The following ITGA6 variants were observed in gnomAD, a reference collection of about 807,000 sequenced individuals.
The protein encoded by ITGA6 is integrin alpha-6.
ITGA6 carries 63 observed loss-of-function variants against 133.6 expected under a neutral mutation model. The ratio of observed to expected loss-of-function variants is 0.47; its 90% CI spans 0.38 to 0.58. The LOEUF (loss-of-function observed/expected upper bound fraction) is 0.58, where lower values mean the gene tolerates loss of function less well. Among genes scored for constraint, ITGA6 ranks in the 20% least tolerant of loss-of-function variants. ITGA6 has a pLI of 0.00. For missense variants in ITGA6, 1,068 were observed against 1,309.4 expected, an observed-to-expected ratio of 0.82 and a Z score of 2.85; for synonymous variants, 434 against 482.0, an observed-to-expected ratio of 0.90 and a Z score of 1.30.
chr2:172,483,713 T>G (rs1374614957), intron 11 of ITGA6, among the ~76,000 whole-genome samples: 1 of 152,208 alleles, frequency 6.6e-6, no homozygotes, highest in African/African-American at 2.4e-5. Context: ...TCTAGCCCAG[T>G]GCAAGGTAGG....
intron 1 of ITGA6, chr2:172,465,307 A>G (rs967163721): frequency 6.9e-5 from 41 of 596,930 alleles, no homozygotes; most frequent in Admixed American, 4.8e-4. Flanking sequence ...AGACAGGCCT[A>G]TTTTCCTCGT....
intron 1 of ITGA6, among the ~76,000 whole-genome samples, chr2:172,443,322 C>G (rs1684619827): frequency 6.6e-6 from 1 of 152,238 alleles, no homozygotes; most frequent in Middle Eastern, 3.4e-3. Flanking sequence ...TTTATTTAAC[C>G]AGTCTGGGTA....
chr2:172,467,269 G>A (rs1685720957), intron 2 of ITGA6, among the ~76,000 whole-genome samples: 1 of 152,194 alleles, frequency 6.6e-6, no homozygotes, highest in African/African-American at 2.4e-5. Flanking sequence ...ATAGAGCTAA[G>A]TACTTTATGT....
chr2:172,500,189 A>G (rs1687291190), intron 24 of ITGA6, among the ~76,000 whole-genome samples: 1 of 152,248 alleles, frequency 6.6e-6, no homozygotes, highest in Non-Finnish European at 1.5e-5. Context: ...ACAGTAGTTC[A>G]GATTGTATCC....
At chr2:172,427,480 G>T (rs932446844), upstream of ITGA6, 15 of 1,081,104 alleles carry the variant, frequency 1.4e-5, no homozygotes, top group African/African-American at 1.7e-5. Context: ...GGTAAGGTGC[G>T]GGCGGTGCGC....
chr2:172,502,938 A>G (rs902884186), intron 25 of ITGA6, among the ~76,000 whole-genome samples: 1 of 151,594 alleles, frequency 6.6e-6, no homozygotes, highest in African/African-American at 2.4e-5. Context: ...CATATTTTGT[A>G]ATAGATAGGT....
Position 172,474,281 on chromosome 2 carries a change from G to A in ITGA6, c.986+16G>A, listed in dbSNP as rs774486853. 2 of 1,604,308 alleles carry A rather than the reference G, an allele frequency of 1.2e-6. No individual in the cohort carries two copies. Among genetic ancestry groups the A allele is most frequent in the East Asian group, 2.2e-5 (1 of 44,840 alleles). ...ACAAGGATGGGTGAGAAAGCCTCAG[G>A]TTATATTATGCTGCAAATCATTTCT... On this transcript the variant is annotated intron_variant, in intron 6 of 25. Coordinates refer to ENST00000684293, the MANE Select transcript of ITGA6 (RefSeq NM_000210.4).
At chr2:172,446,216 G>A (rs1684762359) in intron 1 of ITGA6, among the ~76,000 whole-genome samples, 1 of 152,228 alleles carries the variant, frequency 6.6e-6, no homozygotes, top group Admixed American at 6.5e-5. Context: ...GTAGTAAAAT[G>A]GGTATGGTGA....
chr2:172,488,551 C>T (rs1686788001), intron 19 of ITGA6, among the ~76,000 whole-genome samples: 1 of 152,158 alleles, frequency 6.6e-6, no homozygotes, highest in Non-Finnish European at 1.5e-5. Flanking sequence ...TTCACAAGCC[C>T]AGTTTTTGTG....
intron 11 of ITGA6, among the ~76,000 whole-genome samples, chr2:172,482,458 G>A (rs1015750953): frequency 1.3e-5 from 2 of 152,132 alleles, no homozygotes; most frequent in Non-Finnish European, 2.9e-5. Flanking sequence ...ATCTATAATT[G>A]AGCCGTAATG....
In ITGA6 at chr2:172,461,181, C is replaced by T. The variant is rs182784413; in HGVS notation, c.183-4358C>T. Among the ~76,000 whole-genome samples, 13 of 152,286 alleles carry T rather than the reference C, an allele frequency of 8.5e-5. No homozygotes were observed. The East Asian group carries it at 2.5e-3, about 29-fold the overall frequency. On this transcript the variant is annotated intron_variant, in intron 1 of 25. Coordinates refer to ENST00000684293, the MANE Select transcript of ITGA6 (RefSeq NM_000210.4). Reference sequence around the variant, plus strand: ...AAGACCTGAATTTATATCATATTCCCAGTTACTGTTATACTTATATCGTTA... The same window carrying T: ...AAGACCTGAATTTATATCATATTCCTAGTTACTGTTATACTTATATCGTTA...
intron 1 of ITGA6, among the ~76,000 whole-genome samples, chr2:172,447,158 A>G (rs1266132747): frequency 6.6e-6 from 1 of 152,172 alleles, no homozygotes; most frequent in Non-Finnish European, 1.5e-5. Context: ...TGAGCCTCCC[A>G]AAGTGCTGGG....
Position 172,479,993 on chromosome 2 carries a change from C to G in ITGA6, c.1491C>G (p.Leu497=). ...TACGAPSGIC[L]QVKSCFEYTA... is the part of the protein sequence containing the mutation. The stretch of plus-strand genomic sequence containing the variant: ...ATATGTGTTTGATTTTATTCAGCCT[C>G]CAGGTTAAATCCTGTTTTGAATATA... Residue 497 remains leucine, a synonymous_variant, in exon 11 of 26, where the codon CTC becomes CTG. Transcript: ENST00000684293. The G allele has an allele frequency of 6.3e-7, 1 of 1,592,782 alleles. No individual in the cohort carries two copies. The highest frequency in any genetic ancestry group is 8.6e-7 in the Non-Finnish European group (1 of 1,160,648).
intron 20 of ITGA6, chr2:172,489,865 CAG>C (rs1686848257): frequency 3.8e-6 from 2 of 532,938 alleles, no homozygotes; most frequent in African/African-American, 3.8e-5. Flanking sequence ...GTACATAAGG[CAG>C]AGTCATTCAG....
chr2:172,430,334 G>A (rs1395030458), intron 1 of ITGA6, among the ~76,000 whole-genome samples: 2 of 152,206 alleles, frequency 1.3e-5, no homozygotes, highest in East Asian at 1.9e-4. Context: ...AACATTCTGT[G>A]ATTCTAAGAT....
At chr2:172,479,500 A>G (rs1445055158) in intron 9 of ITGA6, 141 bp from the exon 10 acceptor site, 5 of 758,574 alleles carry the variant, frequency 6.6e-6, no homozygotes, top group African/African-American at 1.7e-5. Flanking sequence ...TTCTTCAGCA[A>G]TGGGGGAAAA....
At chr2:172,500,242 GA>G (rs59877896) in intron 24 of ITGA6, among the ~76,000 whole-genome samples, 3,082 of 140,890 alleles carry the variant, frequency 0.022, 68 homozygotes, top group African/African-American at 0.055. Flanking sequence ...GTTTGCAGGT[GA>G]AAAAAAAAAA....
chr2:172,469,089 G>T (rs1685803943), intron 3 of ITGA6, 36 bp from the exon 4 acceptor site: 7 of 1,612,794 alleles, frequency 4.3e-6, no homozygotes, highest in Non-Finnish European at 5.9e-6. Context: ...AAGGTTTATA[G>T]ACAAGAATGG....
chr2:172,454,076 T>TTTTTG (rs1013133401), intron 1 of ITGA6, among the ~76,000 whole-genome samples: 1 of 138,648 alleles, frequency 7.2e-6, no homozygotes, highest in Non-Finnish European at 1.5e-5. Flanking sequence ...GGAAGTTTTT[T>TTTTTG]TTTTGTTTTG....
Sources: allele counts gnomAD v4.1 joint callset (sites outside exome capture counted in the v4.1 genomes callset), GRCh38; gene constraint gnomAD v4.1.1; transcripts MANE v1.5; gene names NCBI Gene and HGNC (gene_info 2026-07-23, HGNC 2026-07-21).